The following GRK5 variants were observed in gnomAD, a reference collection of about 807,000 sequenced individuals.
GRK5 encodes the protein g protein-coupled receptor kinase GRK5.
In GRK5, 40 loss-of-function variants were observed where a neutral mutation model predicts 78.4. The observed-to-expected ratio is 0.51, with a 90% CI of 0.40 to 0.66. The LOEUF is 0.66. GRK5 is among the 30% of genes least tolerant of loss of function. The probability of loss-of-function intolerance (pLI) is 0.00; values close to 1 mark genes in which losing one functional copy is unlikely to be tolerated. For synonymous variants in GRK5, 289 were observed against 296.8 expected, an observed-to-expected ratio of 0.97 and a Z score of 0.27; for missense variants, 598 against 759.9, an observed-to-expected ratio of 0.79 and a Z score of 2.50.
At chr10:119,257,788 C>T (rs762664452) in intron 1 of GRK5, among the ~76,000 whole-genome samples, 8 of 152,238 alleles carry the variant, frequency 5.3e-5, no homozygotes, top group Middle Eastern at 3.4e-3. Flanking sequence ...GGTGAAAAGG[C>T]GCTGTGGATG....
At chr10:119,311,766 G>A (rs952017690) in intron 1 of GRK5, among the ~76,000 whole-genome samples, 8 of 150,010 alleles carry the variant, frequency 5.3e-5, no homozygotes, top group Non-Finnish European at 1.0e-4. Context: ...TCCAGCCTGG[G>A]TGACAGAGCA....
intron 3 of GRK5, among the ~76,000 whole-genome samples, chr10:119,391,288 G>A (rs1029152078): frequency 1.3e-5 from 2 of 151,894 alleles, no homozygotes; most frequent in Non-Finnish European, 2.9e-5. Context: ...GACCAGGTAC[G>A]TCTGACCCTG....
At position 119,439,761 on chromosome 10, in the gene GRK5, T is replaced by C; in HGVS notation, c.960T>C (p.Asp320=). Residue 320 remains aspartate, a synonymous_variant, in exon 10 of 16, where the codon GAT becomes GAC. Transcript: ENST00000392870. ...RDLKPENILL[D]DYGHIRISDL... ...TGAAACCTGAAAACATCCTGTTAGA[T>C]GATTATGGTAAGTCTTTTCCTACTC... The C allele has an allele frequency of 6.2e-7, 1 of 1,613,970 alleles. No homozygotes were observed. The highest frequency in any genetic ancestry group is 1.7e-5 in the Admixed American group (1 of 60,020).
Position 119,452,606 on chromosome 10 carries a change from C to A in GRK5, c.1405-65C>A. 1 of 1,599,322 alleles carries A rather than the reference C, an allele frequency of 6.3e-7. No individual in the cohort carries two copies. Among genetic ancestry groups the A allele is most frequent in the Non-Finnish European group, 8.5e-7 (1 of 1,170,940 alleles). ...CCTTCTGCTCCCCAAAACCCCAAGG[C>A]CTGGCTCGGGGCCACTGGAGCCGCA... On this transcript the variant is annotated intron_variant, in intron 13 of 15. Transcript: ENST00000392870. This position sits in a 1 kb window ranked among gnomAD's most constrained non-coding sequence, Gnocchi z 4.4.
At chr10:119,311,524 C>T (rs1850359115) in intron 1 of GRK5, among the ~76,000 whole-genome samples, 1 of 152,220 alleles carries the variant, frequency 6.6e-6, no homozygotes, top group African/African-American at 2.4e-5. Context: ...TGGTGACTTA[C>T]ACCTGTAATC....
At chr10:119,415,817 C>T (rs1480058435) in intron 4 of GRK5, among the ~76,000 whole-genome samples, 1 of 152,206 alleles carries the variant, frequency 6.6e-6, no homozygotes, top group Non-Finnish European at 1.5e-5. Flanking sequence ...AATCCTGGCC[C>T]CGCCATGGGC....
At chr10:119,222,514 A>T (rs1389275447) in intron 1 of GRK5, among the ~76,000 whole-genome samples, 2 of 151,984 alleles carry the variant, frequency 1.3e-5, no homozygotes, top group Non-Finnish European at 2.9e-5. Flanking sequence ...CATGGAATTT[A>T]CCTAGACAAG....
chr10:119,431,580 T>C lies in GRK5; in HGVS notation c.738+53T>C, dbSNP rs1852818543. On this transcript the variant is annotated intron_variant, in intron 8 of 15. Coordinates refer to ENST00000392870, the MANE Select transcript of GRK5 (RefSeq NM_005308.3). This position sits in a 1 kb window ranked among gnomAD's most constrained non-coding sequence, Gnocchi z 4.8. ...GGCTCGCCCTTCTGTGGACTGGGGCTTCCCTCCCTCCGGAAGGGCGTGGTC... is the reference window on the plus strand; with the variant it reads ...GGCTCGCCCTTCTGTGGACTGGGGCCTCCCTCCCTCCGGAAGGGCGTGGTC... 1 of 1,584,826 alleles carries C rather than the reference T, an allele frequency of 6.3e-7. No individual in the cohort carries two copies. Among genetic ancestry groups the C allele is most frequent in the Admixed American group, 1.7e-5 (1 of 57,156 alleles).
chr10:119,245,740 G>A (rs970367291), intron 1 of GRK5, among the ~76,000 whole-genome samples: 3 of 152,038 alleles, frequency 2.0e-5, no homozygotes, highest in Admixed American at 6.6e-5. Context: ...TGTTAAGGCC[G>A]GGCGCGGTGG....
chr10:119,246,369 T>C lies in GRK5; in HGVS notation c.52+38400T>C, dbSNP rs138242384. Among the ~76,000 whole-genome samples the C allele has an allele frequency of 8.6e-4, 131 of 152,306 alleles. 1 individual carries two copies. The highest frequency in any genetic ancestry group is 3.1e-3 in the African/African-American group (127 of 41,556). On this transcript the variant is annotated intron_variant, in intron 1 of 15. Coordinates refer to ENST00000392870, the MANE Select transcript of GRK5 (RefSeq NM_005308.3). ...TATATGTGTTCAGTACAGACGGCTT[T>C]TTTTTTCCCCCTCAAGAGTTTTCAG...
chr10:119,209,486 GGTTTTTTTTTTTT>G (rs1848446698), intron 1 of GRK5, among the ~76,000 whole-genome samples: 2 of 88,822 alleles, frequency 2.3e-5, no homozygotes, highest in Non-Finnish European at 2.2e-5. Context: ...GTGTGTGTGT[GGTTTTTTTTTTTT>G]TTTTTTTTTT....
At chr10:119,215,426 GAGAC>G (rs1564851151) in intron 1 of GRK5, among the ~76,000 whole-genome samples, 2 of 151,556 alleles carry the variant, frequency 1.3e-5, no homozygotes, top group South Asian at 4.2e-4. Flanking sequence ...GTTGGGGAGA[GAGAC>G]AGTGTGGAGG....
At chr10:119,432,365 T>C (rs1852837157) in intron 8 of GRK5, among the ~76,000 whole-genome samples, 1 of 152,210 alleles carries the variant, frequency 6.6e-6, no homozygotes, top group Non-Finnish European at 1.5e-5. Context: ...GGAGGATTGC[T>C]TGAACCCAGG....
chr10:119,238,674 T>C lies in GRK5; in HGVS notation c.52+30705T>C, dbSNP rs1848971871. Among the ~76,000 whole-genome samples the C allele has an allele frequency of 6.6e-6, 1 of 152,188 alleles. No homozygotes were observed. The highest frequency in any genetic ancestry group is 1.5e-5 in the Non-Finnish European group (1 of 68,040). On this transcript the variant is annotated intron_variant, in intron 1 of 15. Transcript: ENST00000392870. The surrounding 1 kb of genome is among the most constrained non-coding windows in gnomAD (Gnocchi z 4.7). ...CGAGCAAAGAGAATATCACTTTTAC[T>C]TAAAAGTGAACTGCACGGGGGTTGA...
chr10:119,393,985 A>ATG (rs906326542), intron 3 of GRK5, among the ~76,000 whole-genome samples: 1 of 87,014 alleles, frequency 1.1e-5, no homozygotes, highest in African/African-American at 4.5e-5. Flanking sequence ...GTGTGTGGGT[A>ATG]TGTGTGTGTG....
chr10:119,321,864 C>G (rs1235336464), intron 1 of GRK5, among the ~76,000 whole-genome samples: 2 of 152,210 alleles, frequency 1.3e-5, no homozygotes, highest in African/African-American at 4.8e-5. Context: ...TTCCCACCGC[C>G]TCCAACCCCA....
At chr10:119,327,834 C>A (rs888712525) in intron 2 of GRK5, among the ~76,000 whole-genome samples, 1 of 152,192 alleles carries the variant, frequency 6.6e-6, no homozygotes, top group Non-Finnish European at 1.5e-5. Context: ...GGTCAGGAAA[C>A]GTCCTTAAGA....
chr10:119,224,013 A>G (rs1457458609), intron 1 of GRK5, among the ~76,000 whole-genome samples: 4 of 152,086 alleles, frequency 2.6e-5, no homozygotes, highest in Non-Finnish European at 5.9e-5. Context: ...GCAGAACCCC[A>G]AGTCCGGCAC....
At chr10:119,371,680 A>T (rs1435230732) in intron 2 of GRK5, among the ~76,000 whole-genome samples, 1 of 152,116 alleles carries the variant, frequency 6.6e-6, no homozygotes, top group Non-Finnish European at 1.5e-5. Context: ...GACAGTGGGG[A>T]ACTCCTGCCT....
Sources: gnomAD v4.1 joint callset for allele counts (sites outside exome capture counted in the v4.1 genomes callset) on GRCh38, gnomAD v4.1.1 for gene constraint, Gnocchi (gnomAD v3.1) non-coding constraint, MANE v1.5 for transcripts, NCBI Gene and HGNC (gene_info 2026-07-23, HGNC 2026-07-21) for gene names.